The following DMD variants were observed in gnomAD, a reference collection of about 807,000 sequenced individuals.
The protein encoded by DMD is dystrophin.
In DMD, 63 loss-of-function variants were observed where a neutral mutation model predicts 330.1. The ratio of observed to expected loss-of-function variants is 0.19; its 90% CI spans 0.16 to 0.24. DMD has a LOEUF of 0.24. DMD is among the 10% of genes least tolerant of loss of function. The probability of loss-of-function intolerance (pLI) is 1.00; values close to 1 mark genes in which losing one functional copy is unlikely to be tolerated. For missense variants in DMD, 3,344 were observed against 2,684.1 expected (o/e 1.25, Z -5.43); for synonymous variants, 1,223 against 959.8 (o/e 1.27, Z -5.07).
chrX:31,834,484 G>C (rs961053415), intron 49 of DMD, among the ~76,000 whole-genome samples: 5 of 111,711 alleles, frequency 4.5e-5, no homozygotes, highest in Non-Finnish European at 7.5e-5. Context: ...GTGTCGCCCA[G>C]GCTGGAGTGC....
chrX:32,803,027 G>C (rs964847352), intron 7 of DMD, among the ~76,000 whole-genome samples: 5 of 111,781 alleles, frequency 4.5e-5, no homozygotes, highest in African/African-American at 1.6e-4. Flanking sequence ...GTTTGGAATA[G>C]TTTCAGAAGG....
intron 7 of DMD, among the ~76,000 whole-genome samples, chrX:32,800,067 G>A (rs1340795721): frequency 9.0e-6 from 1 of 111,547 alleles, no homozygotes; most frequent in African/African-American, 3.3e-5. Context: ...GCATTATTTG[G>A]CAGGTATTTC....
chrX:31,318,144 A>G (rs1034945765), intron 62 of DMD, among the ~76,000 whole-genome samples: 47 of 112,178 alleles, frequency 4.2e-4, no homozygotes, highest in Admixed American at 1.3e-3. Context: ...CCATGAAAGT[A>G]GTAATAGAGG....
intron 6 of DMD, among the ~76,000 whole-genome samples, chrX:32,815,852 G>A (rs1455849640): frequency 1.8e-5 from 2 of 110,618 alleles, no homozygotes; most frequent in Non-Finnish European, 3.8e-5. Context: ...CAGTGCAATT[G>A]TTTCTGTTGG....
chrX:31,182,962 G>T, intron 67 of DMD, 58 bp from the exon 68 acceptor site: 1 of 993,695 alleles, frequency 1.0e-6, no homozygotes, highest in Non-Finnish European at 1.4e-6. Context: ...AAGAAGGCAA[G>T]ATGGCAAAGG....
intron 77 of DMD, among the ~76,000 whole-genome samples, chrX:31,128,726 T>G (rs1348020866): frequency 8.9e-6 from 1 of 111,737 alleles, no homozygotes; most frequent in East Asian, 2.8e-4. Flanking sequence ...TTTATGAAAA[T>G]GGACCTCCCA....
chrX:32,904,564 T>A (rs150958140), intron 2 of DMD, among the ~76,000 whole-genome samples: 1,250 of 111,679 alleles, frequency 0.011, 20 homozygotes, highest in African/African-American at 0.039. Flanking sequence ...TTAAAAATGG[T>A]TCTTTTCATA....
chrX:32,883,651 C>T (rs767946681), intron 2 of DMD, among the ~76,000 whole-genome samples: 125 of 107,349 alleles, frequency 1.2e-3, no homozygotes, highest in Non-Finnish European at 1.4e-3. Context: ...GGTGAAACCC[C>T]GTCTCTACTA....
chrX:33,242,315 T>G (rs1327347122), intron 1 of DMD, among the ~76,000 whole-genome samples: 2 of 111,561 alleles, frequency 1.8e-5, no homozygotes, highest in Non-Finnish European at 3.8e-5. Context: ...TATGCCTTTG[T>G]GTTCTTATAG....
intron 1 of DMD, among the ~76,000 whole-genome samples, chrX:33,053,371 G>A (rs917597125): frequency 5.4e-5 from 6 of 110,797 alleles, no homozygotes; most frequent in African/African-American, 2.0e-4. Flanking sequence ...TGAGGCGGGC[G>A]GATCACGAGG....
Position 32,054,367 on chromosome X carries a change from C to T in DMD, c.6439-85853G>A, listed in dbSNP as rs375367548. ...CCTCCCCCCACCCCACAACAGGCCC[C>T]GGTGTGTGATGTTCCCCTTCCTGTG... On this transcript the variant is annotated intron_variant, in intron 44 of 78. Coordinates refer to ENST00000357033, the MANE Select transcript of DMD (RefSeq NM_004006.3). Among the ~76,000 whole-genome samples, 304 of 89,794 alleles carry T rather than the reference C, an allele frequency of 3.4e-3. 3 individuals carry two copies. Among genetic ancestry groups the T allele is most frequent in the African/African-American group, 8.0e-3 (197 of 24,632 alleles). The allele number at this position is 89,794 out of a possible 115,157, so 78.0% of individuals were successfully genotyped here. A position where few individuals can be genotyped will look rare whatever the true frequency, so the allele number is the denominator to read the frequency against.
intron 1 of DMD, among the ~76,000 whole-genome samples, chrX:33,190,925 A>T (rs1172443476): frequency 0.011 from 7 of 663 alleles, no homozygotes; most frequent in East Asian, 0.071. Flanking sequence ...TATATATATA[A>T]TATTATATAT....
intron 1 of DMD, among the ~76,000 whole-genome samples, chrX:33,294,119 G>T (rs1455276613): frequency 9.0e-6 from 1 of 111,655 alleles, no homozygotes; most frequent in African/African-American, 3.3e-5. Flanking sequence ...GAGCTAGAGA[G>T]AGTGGGGTTG....
intron 1 of DMD, among the ~76,000 whole-genome samples, chrX:33,336,954 T>C (rs1274819511): frequency 1.8e-5 from 2 of 111,253 alleles, no homozygotes; most frequent in African/African-American, 3.3e-5. Flanking sequence ...ATATAGACTT[T>C]ACGATTTCAT....
intron 15 of DMD, among the ~76,000 whole-genome samples, chrX:32,569,288 G>A (rs1484511517): frequency 8.9e-6 from 1 of 111,868 alleles, no homozygotes; most frequent in Non-Finnish European, 1.9e-5. Flanking sequence ...ACGCATAAGA[G>A]AATAATGCCA....
chrX:31,577,420 A>G (rs1011033384), intron 55 of DMD, among the ~76,000 whole-genome samples: 1 of 112,282 alleles, frequency 8.9e-6, no homozygotes. Context: ...TAATGTGAAT[A>G]TAACAGGTAA....
chrX:31,471,653 T>C (rs2067311656), intron 59 of DMD, among the ~76,000 whole-genome samples: 1 of 112,531 alleles, frequency 8.9e-6, no homozygotes, highest in Admixed American at 9.4e-5. Flanking sequence ...CCTGCTTTAG[T>C]TTCTAAGCTG....
intron 47 of DMD, among the ~76,000 whole-genome samples, chrX:31,881,491 T>A (rs1335303304): frequency 9.0e-6 from 1 of 111,694 alleles, no homozygotes; most frequent in Non-Finnish European, 1.9e-5. Flanking sequence ...TACAATAATG[T>A]CTTAGATTTC....
intron 59 of DMD, among the ~76,000 whole-genome samples, chrX:31,447,560 CA>C (rs1006344455): frequency 8.1e-5 from 9 of 110,787 alleles, no homozygotes; most frequent in African/African-American, 3.0e-4. Flanking sequence ...TTTCCTAAAT[CA>C]TAAAAATATT....
Sources: gnomAD v4.1 joint callset for allele counts (sites outside exome capture counted in the v4.1 genomes callset) on GRCh38, gnomAD v4.1.1 for gene constraint, MANE v1.5 for transcripts, NCBI Gene and HGNC (gene_info 2026-07-23, HGNC 2026-07-21) for gene names.